Variants in CLEC12A observed in about 807,000 individuals in gnomAD.
CLEC12A encodes the protein C-type lectin domain family 12 member A.
Under a neutral mutation model 26.5 loss-of-function variants are expected in CLEC12A, and 22 were observed. That is an observed-to-expected ratio of 0.83 (90% CI 0.59 to 1.19). The LOEUF (loss-of-function observed/expected upper bound fraction) is 1.19, where lower values mean the gene tolerates loss of function less well. Ranked by LOEUF, CLEC12A falls within the 50% of genes most tolerant of loss-of-function variation. The pLI is 0.00. For missense variants in CLEC12A, 353 were observed against 315.6 expected (o/e 1.12, Z -0.90); for synonymous variants, 119 against 101.9 (o/e 1.17, Z -1.01).
At chr12:9,957,493 A>G (rs1360576945) in intron 1 of CLEC12A, among the ~76,000 whole-genome samples, 7 of 150,576 alleles carry the variant, frequency 4.6e-5, no homozygotes, top group Non-Finnish European at 1.0e-4. Flanking sequence ...TTCATCTCAA[A>G]AAAAAAAAAA....
downstream of CLEC12A, chr12:9,996,907 C>G: frequency 6.2e-7 from 1 of 1,613,988 alleles, no homozygotes; most frequent in Non-Finnish European, 8.5e-7. Flanking sequence ...GTACTGCTTA[C>G]TCTCTTCCCA....
At chr12:9,995,349 A>G (rs968071424) in exon 5 of CLEC12A, 1 of 895,476 alleles carries the variant, frequency 1.1e-6, no homozygotes, top group Admixed American at 1.7e-5. Flanking sequence ...ATGTTGGATT[A>G]CATGTCTATA....
At position 9,971,638 on chromosome 12, in the gene CLEC12A, C is replaced by G; in HGVS notation, c.42C>G (p.Asn14Lys). 1 of 1,610,146 alleles carries G rather than the reference C, an allele frequency of 6.2e-7. No individual in the cohort carries two copies. Among genetic ancestry groups the G allele is most frequent in the Non-Finnish European group, 8.5e-7 (1 of 1,178,134 alleles). The change falls in exon 1 of 6, where the codon AAC (asparagine) becomes AAG (lysine). Residue 14 changes from asparagine (N) to lysine (K), a missense_variant. Asn to Lys is a moderately conservative substitution (Grantham distance 94). Coordinates refer to ENST00000304361, the MANE Select transcript of CLEC12A (RefSeq NM_138337.6). The stretch of plus-strand genomic sequence containing the variant: ...CTTATGCAGATCTTCAATTCCAGAA[C>G]TCCAGTGAGATGGAAAAAATCCCAG... ...EVTYADLQFQNSSEMEKIPEI... is the reference protein window; with the variant it reads ...EVTYADLQFQKSSEMEKIPEI...
chr12:9,984,887 C>T lies in CLEC12A; in HGVS notation c.659C>T (p.Pro220Leu). 6.6e-7 allele frequency: 1 copy of T among 1,524,336 alleles called. No homozygotes were observed. Among genetic ancestry groups the T allele is most frequent in the Non-Finnish European group, 8.8e-7 (1 of 1,135,114 alleles). 94.4% of individuals were successfully genotyped at this position (1,524,336 alleles called of 1,614,324 possible). A position where few individuals can be genotyped will look rare whatever the true frequency, so the allele number is the denominator to read the frequency against. The stretch of plus-strand genomic sequence containing the variant: ...TCTTTCAGGGTTATAAGAAACGCAC[C>T]TGACTTAAATAACATGTATTGTGGA... ...NSSAWVIRNA[P>L]DLNNMYCGYI... Residue 220 changes from proline to leucine, a missense_variant, in exon 6 of 6, where the codon CCT becomes CTT. By Grantham distance (98) the Pro-to-Leu change is moderately conservative (BLOSUM62 -3). Coordinates refer to ENST00000304361, the MANE Select transcript of CLEC12A (RefSeq NM_138337.6).
upstream of CLEC12A, among the ~76,000 whole-genome samples, chr12:9,966,717 A>G (rs1863963086): frequency 6.6e-6 from 1 of 150,986 alleles, no homozygotes; most frequent in Admixed American, 6.6e-5. Context: ...GGCGAGGTTA[A>G]TTAAGTCCTG....
intron 1 of CLEC12A, among the ~76,000 whole-genome samples, chr12:9,959,452 C>CA (rs57106602): frequency 0.32 from 44,425 of 140,486 alleles, 7,192 homozygotes; most frequent in Non-Finnish European, 0.38. Context: ...AACTCTGTCT[C>CA]AAAAAAAAAA....
intron 1 of CLEC12A, among the ~76,000 whole-genome samples, chr12:9,964,794 G>A (rs146868086): frequency 2.5e-4 from 38 of 152,244 alleles, no homozygotes; most frequent in African/African-American, 8.7e-4. Context: ...GGTGTGTGGC[G>A]ATTAGGCCTG....
chr12:9,989,367 A>AAT (rs1215529593), downstream of CLEC12A, among the ~76,000 whole-genome samples: 1 of 908 alleles, frequency 1.1e-3, no homozygotes, highest in Non-Finnish European at 1.8e-3. Context: ...GTATAATAAT[A>AAT]AAAAAAAAGA....
At chr12:9,962,142 C>G (rs1231587758) in intron 1 of CLEC12A, among the ~76,000 whole-genome samples, 1 of 152,164 alleles carries the variant, frequency 6.6e-6, no homozygotes, top group Admixed American at 6.5e-5. Context: ...GTAGCTAGCC[C>G]TGGGGTATTT....
chr12:9,995,051 C>T (rs1318959527), exon 5 of CLEC12A: 1 of 1,591,178 alleles, frequency 6.3e-7, no homozygotes, highest in East Asian at 2.3e-5. Context: ...TTCTATAACC[C>T]ATAGTAGTGA....
chr12:9,951,611 G>A, intron 1 of CLEC12A: 1 of 498,528 alleles, frequency 2.0e-6, no homozygotes, highest in Non-Finnish European at 3.7e-6. Context: ...TCCATTTGCA[G>A]ATTGAACTAG....
In CLEC12A at chr12:9,971,743, A is replaced by G. The variant is rs1864136208; in HGVS notation, c.91+56A>G. 5 of 1,437,698 alleles carry G rather than the reference A, an allele frequency of 3.5e-6. No individual in the cohort carries two copies. The East Asian group carries it at 9.4e-5, about 27-fold the overall frequency. The allele number at this position is 1,437,698 out of a possible 1,614,324, so 89.1% of individuals were successfully genotyped here. ...GTTTGTATAATAGAAGTGGTTATAG[A>G]CTTGCATCTTCAATATTAGTGATAT... On this transcript the variant is annotated intron_variant, in intron 1 of 5. Transcript: ENST00000304361.
rs1208246963 is a variant in CLEC12A, at chr12:9,985,383, T to C, written c.*357T>C. On this transcript the variant is annotated 3_prime_UTR_variant, in exon 6 of 6. Transcript: ENST00000304361. ...CATCAAAAACCAGCAAATTTTAATT[T>C]TGTCCCACAGCGTTGCTAGGGTGGC... is the stretch of plus-strand genomic sequence containing the variant. The C allele has an allele frequency of 1.2e-5, 5 of 401,264 alleles. No individual in the cohort carries two copies. Among genetic ancestry groups the C allele is most frequent in the Non-Finnish European group, 2.2e-5 (5 of 228,210 alleles). The allele number at this position is 401,264 out of a possible 1,614,324, so 24.9% of individuals were successfully genotyped here.
chr12:9,993,373 C>T, intron 4 of CLEC12A: 1 of 753,764 alleles, frequency 1.3e-6, no homozygotes, highest in Non-Finnish European at 2.1e-6. Context: ...TTTGATGCAC[C>T]AAATAGAGAC....
chr12:9,955,817 A>G (rs1436984358), intron 1 of CLEC12A, among the ~76,000 whole-genome samples: 1 of 152,230 alleles, frequency 6.6e-6, no homozygotes, highest in Non-Finnish European at 1.5e-5. Context: ...TCAGAGTCCC[A>G]TCTCGAAAAC....
At chr12:9,975,759 G>A (rs1186633746) in intron 1 of CLEC12A, among the ~76,000 whole-genome samples, 1 of 152,152 alleles carries the variant, frequency 6.6e-6, no homozygotes, top group East Asian at 1.9e-4. Flanking sequence ...GCATATCAGA[G>A]GTCTTCCCAG....
intron 1 of CLEC12A, among the ~76,000 whole-genome samples, chr12:9,973,467 C>A (rs995016196): frequency 1.3e-5 from 2 of 151,570 alleles, no homozygotes; most frequent in Non-Finnish European, 2.9e-5. Context: ...CAAATCAAAA[C>A]AAAACAAGAC....
chr12:9,973,791 A>T (rs895013208), intron 1 of CLEC12A, among the ~76,000 whole-genome samples: 5 of 152,198 alleles, frequency 3.3e-5, no homozygotes, highest in Middle Eastern at 6.8e-3. Flanking sequence ...GTTTTCAAAG[A>T]CAGACTTCCG....
chr12:9,969,394 T>G (rs1188890460), upstream of CLEC12A, among the ~76,000 whole-genome samples: 2 of 152,186 alleles, frequency 1.3e-5, no homozygotes, highest in Non-Finnish European at 2.9e-5. Flanking sequence ...AATAACAAAA[T>G]TTTTAAAAAA....
Sources: gnomAD v4.1 joint callset for allele counts (sites outside exome capture counted in the v4.1 genomes callset) on GRCh38, gnomAD v4.1.1 for gene constraint, MANE v1.5 for transcripts, NCBI Gene and HGNC (gene_info 2026-07-23, HGNC 2026-07-21) for gene names.